Variants in ADGRL2 observed in about 807,000 individuals in gnomAD.
ADGRL2 encodes adhesion G protein-coupled receptor L2.
In ADGRL2, 44 loss-of-function variants were observed where a neutral mutation model predicts 157.4. That is an observed-to-expected ratio of 0.28 (90% CI 0.22 to 0.36). ADGRL2 has a LOEUF of 0.36. Among genes scored for constraint, ADGRL2 ranks in the 10% least tolerant of loss-of-function variants. The probability of loss-of-function intolerance (pLI) is 1.00; values close to 1 mark genes in which losing one functional copy is unlikely to be tolerated. For missense variants in ADGRL2, 1,510 were observed against 1,768.9 expected (o/e 0.85, Z 2.63); for synonymous variants, 585 against 624.7 (o/e 0.94, Z 0.95).
intron 2 of ADGRL2, among the ~76,000 whole-genome samples, chr1:81,792,730 C>G (rs568178458): frequency 7.3e-4 from 111 of 152,036 alleles, no homozygotes; most frequent in African/African-American, 2.6e-3. Context: ...TCAACATTTC[C>G]TGTCTGATTT....
At chr1:81,826,910 A>G (rs1385793845) in intron 1 of ADGRL2, among the ~76,000 whole-genome samples, 11 of 152,172 alleles carry the variant, frequency 7.2e-5, no homozygotes, top group African/African-American at 2.7e-4. Flanking sequence ...TGATAGAAAA[A>G]TTTAGCCTTG....
At chr1:81,723,305 CT>C (rs2084399019) in intron 1 of ADGRL2, among the ~76,000 whole-genome samples, 1 of 152,160 alleles carries the variant, frequency 6.6e-6, no homozygotes, top group Admixed American at 6.5e-5. Flanking sequence ...CCCTACCTCT[CT>C]CCCCCAAATG....
intron 1 of ADGRL2, among the ~76,000 whole-genome samples, chr1:81,332,276 C>T (rs893931953): frequency 6.6e-6 from 1 of 152,108 alleles, no homozygotes; most frequent in Non-Finnish European, 1.5e-5. Flanking sequence ...TATATACTCA[C>T]AACTTCATTT....
intron 18 of ADGRL2, chr1:81,980,715 G>C: frequency 1.8e-6 from 1 of 565,914 alleles, no homozygotes; most frequent in Non-Finnish European, 3.3e-6. Flanking sequence ...ATTGCATGTT[G>C]CATGGTAAGA....
chr1:81,394,569 T>C (rs1447791179), intron 1 of ADGRL2, among the ~76,000 whole-genome samples: 1 of 152,214 alleles, frequency 6.6e-6, no homozygotes, highest in Non-Finnish European at 1.5e-5. Context: ...TGAATATTAT[T>C]CCGTTGTGTA....
chr1:81,736,890 A>G (rs1483718566), intron 1 of ADGRL2, among the ~76,000 whole-genome samples: 1 of 152,082 alleles, frequency 6.6e-6, no homozygotes, highest in Admixed American at 6.6e-5. Flanking sequence ...GCTGGAGTGC[A>G]GTGCCACAGT....
chr1:81,861,671 T>C (rs2093393319), intron 2 of ADGRL2, among the ~76,000 whole-genome samples: 1 of 152,216 alleles, frequency 6.6e-6, no homozygotes, highest in South Asian at 2.1e-4. Flanking sequence ...GGTGGATCAC[T>C]TGAGGTCAAG....
chr1:81,463,657 G>C (rs1252319346), intron 2 of ADGRL2, among the ~76,000 whole-genome samples: 4 of 152,136 alleles, frequency 2.6e-5, no homozygotes, highest in Non-Finnish European at 4.4e-5. Flanking sequence ...CTTTTTGTGA[G>C]ATAGTTACCT....
intron 1 of ADGRL2, among the ~76,000 whole-genome samples, chr1:81,404,128 G>A (rs1326946998): frequency 1.3e-5 from 2 of 152,112 alleles, no homozygotes; most frequent in Non-Finnish European, 2.9e-5. Context: ...TCTGATTACA[G>A]TTTCTTACTT....
rs185993128 is a variant in ADGRL2, at chr1:81,762,634, T to C, written c.-101+782T>C. Among the ~76,000 whole-genome samples, 143 of 152,226 alleles carry C rather than the reference T, an allele frequency of 9.4e-4. 1 individual carries two copies. The highest frequency in any genetic ancestry group is 3.3e-3 in the African/African-American group (138 of 41,560). ...TCTCATTGTAGAAAAAAAAGTCACT[T>C]TGACATCAAAGTGTTAGGTTAAGTG... is the stretch of plus-strand genomic sequence containing the variant. On this transcript the variant is annotated intron_variant, in intron 2 of 20. Transcript: ENST00000359929.
chr1:81,688,951 G>A (rs1011468328), intron 3 of ADGRL2, among the ~76,000 whole-genome samples: 4 of 152,090 alleles, frequency 2.6e-5, no homozygotes, highest in Non-Finnish European at 5.9e-5. Flanking sequence ...TCTGGGTCTA[G>A]CCACCCAGCA....
rs201658102 is a variant in ADGRL2, at chr1:81,932,703, C to CT, written c.288-4016dup. 3.1e-3 allele frequency among the ~76,000 whole-genome samples: 461 copies of CT among 150,924 alleles called. 2 individuals carry two copies. Among genetic ancestry groups the CT allele is most frequent in the African/African-American group, 9.9e-3 (407 of 41,194 alleles). ...TTAATAATTTGTATTTCTTTTCTTT[C>CT]TTTTTTTTTGACGGAGTTTCACTCT... On this transcript the variant is annotated intron_variant, in intron 3 of 23. Coordinates refer to ENST00000686636, the MANE Select transcript of ADGRL2 (RefSeq NM_001366006.2).
In ADGRL2 at chr1:81,993,085, A is replaced by ATTTTTTT. The variant is rs1664882932; in HGVS notation, c.*1941_*1942insTTTTTTT. On this transcript the variant is annotated 3_prime_UTR_variant, in exon 24 of 24. Coordinates refer to ENST00000686636, the MANE Select transcript of ADGRL2 (RefSeq NM_001366006.2). ...TATATATATATATATATATATATAT[A>ATTTTTTT]TATTTTTTTTTTTTTTTTTTTTTTT... Among the ~76,000 whole-genome samples, 1 of 32,108 alleles carries ATTTTTTT rather than the reference A, an allele frequency of 3.1e-5. No individual in the cohort carries two copies. The highest frequency in any genetic ancestry group is 4.9e-5 in the Non-Finnish European group (1 of 20,304). The allele number at this position is 32,108 out of a possible 152,430, so 21.1% of individuals were successfully genotyped here.
chr1:81,815,468 G>A lies in ADGRL2; in HGVS notation c.-101+14400G>A, dbSNP rs575354452. On this transcript the variant is annotated intron_variant, in intron 1 of 23. Transcript: ENST00000686636. ...CTCGAGAAAATCTTTGTTTCATCTCGTTGCTCTGTAGGATTCAGATAACAG... is the reference window on the plus strand; with the variant it reads ...CTCGAGAAAATCTTTGTTTCATCTCATTGCTCTGTAGGATTCAGATAACAG... Among the ~76,000 whole-genome samples the A allele has an allele frequency of 7.9e-5, 12 of 151,784 alleles. No homozygotes were observed. The East Asian group carries it at 1.7e-3, about 22-fold the overall frequency.
intron 1 of ADGRL2, among the ~76,000 whole-genome samples, chr1:81,746,967 C>A (rs1365301288): frequency 6.8e-6 from 1 of 147,450 alleles, no homozygotes; most frequent in Non-Finnish European, 1.5e-5. Flanking sequence ...CGTATATACA[C>A]ACGTATACAC....
At position 81,987,901 on chromosome 1, in the gene ADGRL2, C is replaced by A. The variant is rs761363914; in HGVS notation, c.3655+15C>A. 2 of 324,592 alleles carry A rather than the reference C, an allele frequency of 6.2e-6. No homozygotes were observed. The highest frequency in any genetic ancestry group is 3.0e-5 in the South Asian group (1 of 33,362). 20.1% of individuals were successfully genotyped at this position (324,592 alleles called of 1,614,324 possible). ...CAGAGAGACAAGTATGGGAGTAAAA[C>A]TTAACTTTGCCTATCAAATGTAAAT... On this transcript the variant is annotated intron_variant, in intron 23 of 23. Coordinates refer to ENST00000686636, the MANE Select transcript of ADGRL2 (RefSeq NM_001366006.2).
At chr1:81,693,607 G>A (rs1053549203) in intron 3 of ADGRL2, among the ~76,000 whole-genome samples, 2 of 152,156 alleles carry the variant, frequency 1.3e-5, no homozygotes, top group Non-Finnish European at 1.5e-5. Context: ...CAAAGTTTGG[G>A]CAACTTCTTT....
chr1:81,626,386 G>A (rs754388233), intron 3 of ADGRL2, among the ~76,000 whole-genome samples: 33 of 152,152 alleles, frequency 2.2e-4, no homozygotes, highest in Non-Finnish European at 3.7e-4. Context: ...GCTCACTGCA[G>A]CCTCAACCTC....
intron 1 of ADGRL2, among the ~76,000 whole-genome samples, chr1:81,418,316 A>C (rs1257214389): frequency 6.6e-6 from 1 of 152,238 alleles, no homozygotes; most frequent in Non-Finnish European, 1.5e-5. Context: ...ATTATAATAA[A>C]ATTTTGTGGC....
Sources: allele counts gnomAD v4.1 joint callset (sites outside exome capture counted in the v4.1 genomes callset), GRCh38; gene constraint gnomAD v4.1.1; transcripts MANE v1.5; gene names NCBI Gene and HGNC (gene_info 2026-07-23, HGNC 2026-07-21).